ATP8A1: variants seen among roughly 807,000 people sequenced by gnomAD.
The protein encoded by ATP8A1 is ATPase phospholipid transporting 8A1.
In ATP8A1, 90 loss-of-function variants were observed where a neutral mutation model predicts 177.7. The observed-to-expected ratio is 0.51, with a 90% CI of 0.43 to 0.60. The LOEUF is 0.60. Ranked by LOEUF, ATP8A1 falls within the 20% of genes least tolerant of loss-of-function variation. ATP8A1 has a pLI of 0.00. For synonymous variants in ATP8A1, 493 were observed against 485.9 expected, an observed-to-expected ratio of 1.01 and a Z score of -0.19; for missense variants, 1,072 against 1,392.8, an observed-to-expected ratio of 0.77 and a Z score of 3.67.
intron 22 of ATP8A1, among the ~76,000 whole-genome samples, chr4:42,509,717 T>C (rs1724799556): frequency 6.6e-6 from 1 of 152,002 alleles, no homozygotes; most frequent in South Asian, 2.1e-4. Context: ...CCGGGCATGG[T>C]GGCAGGCACC....
At chr4:42,581,543 G>A in intron 10 of ATP8A1, 78 bp downstream of exon 10, 1 of 1,011,284 alleles carries the variant, frequency 9.9e-7, no homozygotes, top group Non-Finnish European at 1.6e-6. Context: ...CTATGTTTGG[G>A]ACCACTGCAC....
At chr4:42,469,615 T>G (rs576175079) in intron 25 of ATP8A1, among the ~76,000 whole-genome samples, 1 of 152,208 alleles carries the variant, frequency 6.6e-6, no homozygotes, top group Non-Finnish European at 1.5e-5. Context: ...GAAATCAACA[T>G]GGGCTTTAAG....
At chr4:42,552,645 CAT>C in intron 16 of ATP8A1, 35 bp from the exon 17 acceptor site, 2 of 1,471,878 alleles carry the variant, frequency 1.4e-6, no homozygotes, top group Non-Finnish European at 1.9e-6. Flanking sequence ...AAGCCCTTCT[CAT>C]GTGAACATTT....
At chr4:42,535,916 A>G (rs867357665) in intron 20 of ATP8A1, among the ~76,000 whole-genome samples, 28 of 152,204 alleles carry the variant, frequency 1.8e-4, no homozygotes, top group African/African-American at 5.3e-4. Context: ...CTTGAACTGA[A>G]TAATAGTGAC....
At chr4:42,568,490 C>A (rs1731575051) in intron 15 of ATP8A1, among the ~76,000 whole-genome samples, 1 of 152,078 alleles carries the variant, frequency 6.6e-6, no homozygotes, top group African/African-American at 2.4e-5. Flanking sequence ...CAAAATAAAT[C>A]TGCACTATCC....
In ATP8A1 at chr4:42,575,712, T is replaced by A. The variant is rs185148098; in HGVS notation, c.1129-13A>T. 2 of 1,607,290 alleles carry A rather than the reference T, an allele frequency of 1.2e-6. No homozygotes were observed. Among genetic ancestry groups the A allele is most frequent in the African/African-American group, 1.3e-5 (1 of 74,888 alleles). On this transcript the variant is annotated splice_polypyrimidine_tract_variant and intron_variant, in intron 12 of 36. Coordinates refer to ENST00000381668, the MANE Select transcript of ATP8A1 (RefSeq NM_006095.2). ...GCATGTCAAGATCCTTTAATAAAAT[T>A]AAGTAAATCATTGAACACAACTGGT...
chr4:42,498,598 TA>T (rs1723512044), intron 24 of ATP8A1, among the ~76,000 whole-genome samples: 1 of 152,098 alleles, frequency 6.6e-6, no homozygotes, highest in African/African-American at 2.4e-5. Flanking sequence ...TCAAATTAAG[TA>T]GAGAACTTTA....
chr4:42,521,464 C>T (rs767513645), intron 22 of ATP8A1, among the ~76,000 whole-genome samples: 1 of 152,286 alleles, frequency 6.6e-6, no homozygotes, highest in South Asian at 2.1e-4. Flanking sequence ...AAGAGCTACA[C>T]AAAAATGTTT....
rs542363042 is a variant in ATP8A1, at chr4:42,521,194, G to A, written c.1947+966C>T. 5.9e-5 allele frequency among the ~76,000 whole-genome samples: 9 copies of A among 152,342 alleles called. No individual in the cohort carries two copies. In the East Asian group the frequency reaches 1.7e-3, roughly 29 times the overall value. On this transcript the variant is annotated intron_variant, in intron 22 of 36. Coordinates refer to ENST00000381668, the MANE Select transcript of ATP8A1 (RefSeq NM_006095.2). Reference sequence around the variant, plus strand: ...GTTTGATTCTATGCAATACAAACATGAGTGCTATTGAAGAGTTATCTAATG... The same window carrying A: ...GTTTGATTCTATGCAATACAAACATAAGTGCTATTGAAGAGTTATCTAATG...
At chr4:42,491,798 CTTT>C (rs981835495) in intron 24 of ATP8A1, among the ~76,000 whole-genome samples, 34 of 152,130 alleles carry the variant, frequency 2.2e-4, no homozygotes, top group Middle Eastern at 3.2e-3. Flanking sequence ...AAAAATGGTC[CTTT>C]TCAGCTTTCT....
At chr4:42,488,691 C>T (rs904274941) in intron 24 of ATP8A1, among the ~76,000 whole-genome samples, 3 of 152,126 alleles carry the variant, frequency 2.0e-5, no homozygotes, top group African/African-American at 7.2e-5. Flanking sequence ...CTTCCCAGTG[C>T]CCTTCACAAT....
At chr4:42,425,415 C>G (rs909019529) in intron 33 of ATP8A1, among the ~76,000 whole-genome samples, 1 of 152,094 alleles carries the variant, frequency 6.6e-6, no homozygotes, top group Non-Finnish European at 1.5e-5. Flanking sequence ...AAATGAACAA[C>G]ATGAATTGAG....
At chr4:42,460,143 C>A (rs1560348378) in intron 27 of ATP8A1, among the ~76,000 whole-genome samples, 1 of 152,158 alleles carries the variant, frequency 6.6e-6, no homozygotes, top group Middle Eastern at 3.4e-3. Flanking sequence ...GACCATTACA[C>A]CAAACTGCCT....
rs746909454 is a variant in ATP8A1 at position 42,601,039 on chromosome 4, T to TC, written c.410-522_410-521insG. 4.1e-3 allele frequency among the ~76,000 whole-genome samples: 341 copies of TC among 84,098 alleles called. 6 individuals are homozygous for TC. Among genetic ancestry groups the TC allele is most frequent in the African/African-American group, 8.8e-3 (268 of 30,468 alleles). The allele number at this position is 84,098 out of a possible 152,430, so 55.2% of individuals were successfully genotyped here. The stretch of plus-strand genomic sequence containing the variant: ...CAAAAACAACCCAAATTTTCTTTTT[T>TC]TTTTTTTTTTTTTTGAGATGGAGTC... On this transcript the variant is annotated intron_variant, in intron 5 of 36. Transcript: ENST00000381668.
Position 42,574,638 on chromosome 4 carries a change from T to C in ATP8A1, c.1276A>G (p.Ile426Val), listed in dbSNP as rs138169536. Residue 426 changes from isoleucine to valine, a missense_variant, in exon 14 of 37, where the codon ATA (isoleucine) becomes GTA (valine). Coordinates refer to ENST00000381668, the MANE Select transcript of ATP8A1 (RefSeq NM_006095.2). ...ACTCACCCATAAGCAACTCCCGCTA[T>C]GGTGCACTTCTTAAACTGCATTACA... ...CNVMQFKKCT[I>V]AGVAYGHVPE... 2.6e-3 allele frequency: 4,164 copies of C among 1,610,582 alleles called. 8 individuals are homozygous for C. The highest frequency in any genetic ancestry group is 3.3e-3 in the Non-Finnish European group (3,862 of 1,178,968).
intron 35 of ATP8A1, among the ~76,000 whole-genome samples, chr4:42,418,413 T>C (rs922057148): frequency 3.3e-5 from 5 of 152,362 alleles, no homozygotes; most frequent in African/African-American, 7.2e-5. Flanking sequence ...CCAAAAATAA[T>C]TGTCCTGCCT....
intron 17 of ATP8A1, among the ~76,000 whole-genome samples, chr4:42,551,646 TA>T (rs1451286356): frequency 2.0e-5 from 3 of 152,220 alleles, no homozygotes; most frequent in African/African-American, 7.2e-5. Flanking sequence ...CTTTTCCTCC[TA>T]AAATGTTGAG....
chr4:42,588,589 AAATG>A, intron 7 of ATP8A1: 1 of 331,724 alleles, frequency 3.0e-6, no homozygotes. Context: ...AAGATAATGC[AAATG>A]AATAGATTTG....
At chr4:42,442,875 A>G (rs1206366144) in intron 33 of ATP8A1, among the ~76,000 whole-genome samples, 1 of 152,214 alleles carries the variant, frequency 6.6e-6, no homozygotes, top group East Asian at 1.9e-4. Context: ...AATGTTTTCC[A>G]CATTTACTTT....
Sources: allele counts gnomAD v4.1 joint callset (sites outside exome capture counted in the v4.1 genomes callset), GRCh38; gene constraint gnomAD v4.1.1; transcripts MANE v1.5; gene names NCBI Gene and HGNC (gene_info 2026-07-23, HGNC 2026-07-21).